Variants in PPP1R1C observed in about 807,000 individuals in gnomAD.
The protein encoded by PPP1R1C is protein phosphatase 1 regulatory subunit 1C.
A neutral mutation model predicts 17.4 loss-of-function variants in PPP1R1C; 15 were observed. The observed-to-expected ratio is 0.86, with a 90% CI of 0.58 to 1.33. The LOEUF is 1.33. PPP1R1C is among the 40% of genes most tolerant of loss of function. The pLI, the probability that PPP1R1C is intolerant of heterozygous loss-of-function variation, is 0.00. For missense variants in PPP1R1C, 143 were observed against 130.0 expected, an observed-to-expected ratio of 1.10 and a Z score of -0.48; for synonymous variants, 35 against 43.1, an observed-to-expected ratio of 0.81 and a Z score of 0.73.
intron 2 of PPP1R1C, among the ~76,000 whole-genome samples, chr2:181,980,252 A>G: frequency 6.6e-6 from 1 of 152,214 alleles, no homozygotes; most frequent in East Asian, 1.9e-4. Flanking sequence ...ACTTCATTTA[A>G]TAATCATCTC....
intron 1 of PPP1R1C, among the ~76,000 whole-genome samples, chr2:181,972,106 C>T (rs79440367): frequency 0.042 from 6,394 of 152,240 alleles, 259 homozygotes; most frequent in Admixed American, 0.15. Flanking sequence ...GGTGTTTCTG[C>T]CAAGGGGACA....
chr2:182,057,439 C>T (rs979071923), intron 2 of PPP1R1C, among the ~76,000 whole-genome samples: 2 of 151,952 alleles, frequency 1.3e-5, no homozygotes, highest in Non-Finnish European at 2.9e-5. Flanking sequence ...GGTATGAGGG[C>T]AGGAGTTTTC....
chr2:182,006,299 A>T (rs911184999), intron 2 of PPP1R1C, among the ~76,000 whole-genome samples: 6 of 152,174 alleles, frequency 3.9e-5, no homozygotes, highest in Non-Finnish European at 8.8e-5. Flanking sequence ...ATACACTTTG[A>T]TCTTCACTAG....
chr2:181,977,734 T>A (rs1047996108), intron 2 of PPP1R1C, among the ~76,000 whole-genome samples: 1 of 152,110 alleles, frequency 6.6e-6, no homozygotes, highest in Non-Finnish European at 1.5e-5. Context: ...AGAATCCAGG[T>A]AAGGCAAAGT....
intron 2 of PPP1R1C, among the ~76,000 whole-genome samples, chr2:182,046,740 G>GAA (rs1213076126): frequency 1.1e-5 from 1 of 89,786 alleles, no homozygotes; most frequent in Non-Finnish European, 2.4e-5. Flanking sequence ...TCTGTCTCAA[G>GAA]AAAAAAAAAA....
At chr2:182,039,113 C>T (rs1479358198) in intron 2 of PPP1R1C, among the ~76,000 whole-genome samples, 1 of 152,126 alleles carries the variant, frequency 6.6e-6, no homozygotes, top group Non-Finnish European at 1.5e-5. Flanking sequence ...AATATTGCAA[C>T]ATTTACTTTT....
chr2:182,063,201 T>C (rs1687895565), intron 3 of PPP1R1C, among the ~76,000 whole-genome samples: 1 of 151,946 alleles, frequency 6.6e-6, no homozygotes, highest in South Asian at 2.1e-4. Context: ...TTTTAACATA[T>C]GAAGAATGTT....
intron 2 of PPP1R1C, among the ~76,000 whole-genome samples, chr2:182,004,999 C>A (rs1042079121): frequency 2.6e-5 from 4 of 152,108 alleles, no homozygotes; most frequent in African/African-American, 9.7e-5. Context: ...AAATAGCCCT[C>A]ATTCTAATCT....
In PPP1R1C at chr2:181,962,011, A is replaced by T. The variant is rs116049914; in HGVS notation, n.111+7377A>T. 381 of 731,042 alleles carry T rather than the reference A, an allele frequency of 5.2e-4. No homozygotes were observed. In the African/African-American group the frequency reaches 6.0e-3, roughly 12 times the overall value. 45.3% of individuals were successfully genotyped at this position (731,042 alleles called of 1,614,324 possible). On this transcript the variant is annotated intron_variant and non_coding_transcript_variant, in intron 1 of 5. Transcript: ENST00000464264. This position sits in a 1 kb window ranked among gnomAD's most constrained non-coding sequence, Gnocchi z 6.0. ...TAAAGTCATCGGCTGCAAGACAGGC[A>T]TTGTCAATCTGCAAAACGATGCCGG... is the stretch of plus-strand genomic sequence containing the variant.
At chr2:182,121,395 G>A (rs530380212), downstream of PPP1R1C, among the ~76,000 whole-genome samples, 419 of 152,170 alleles carry the variant, frequency 2.8e-3, no homozygotes, top group African/African-American at 9.8e-3. Context: ...AAGGACCTCA[G>A]AGGCCTTCTA....
chr2:182,092,851 G>A lies in PPP1R1C; in HGVS notation c.242-24356G>A, dbSNP rs182385248. 3.9e-5 allele frequency among the ~76,000 whole-genome samples: 6 copies of A among 152,282 alleles called. No homozygotes were observed. In the East Asian group the frequency reaches 7.7e-4, roughly 20 times the overall value. On this transcript the variant is annotated intron_variant, in intron 4 of 4. Transcript: ENST00000682840. ...TATCCCTGTGGCTTTGCAGGGTACA[G>A]CCTCCCTTCTGGCCGCTTTCACAGG...
intron 4 of PPP1R1C, among the ~76,000 whole-genome samples, chr2:182,071,445 A>G (rs763137206): frequency 3.3e-5 from 5 of 152,258 alleles, no homozygotes; most frequent in Non-Finnish European, 5.9e-5. Context: ...AGGGGCACAT[A>G]CTACCAATAT....
intron 2 of PPP1R1C, among the ~76,000 whole-genome samples, chr2:182,006,294 C>A (rs1287254703): frequency 6.6e-6 from 1 of 152,152 alleles, no homozygotes; most frequent in Non-Finnish European, 1.5e-5. Flanking sequence ...AAGACATACA[C>A]TTTGATCTTC....
intron 5 of PPP1R1C, among the ~76,000 whole-genome samples, chr2:182,124,096 A>G (rs1200380699): frequency 1.3e-5 from 2 of 152,146 alleles, no homozygotes; most frequent in Non-Finnish European, 2.9e-5. Flanking sequence ...CCCCAACACC[A>G]TTTATTAAAT....
At chr2:182,035,950 T>G (rs951783666) in intron 2 of PPP1R1C, among the ~76,000 whole-genome samples, 3 of 152,124 alleles carry the variant, frequency 2.0e-5, no homozygotes, top group African/African-American at 7.2e-5. Context: ...TAAAGACTCA[T>G]GCTATGTATG....
intron 4 of PPP1R1C, among the ~76,000 whole-genome samples, chr2:182,074,218 CT>C (rs1688226768): frequency 1.3e-5 from 2 of 151,648 alleles, no homozygotes; most frequent in Admixed American, 6.6e-5. Context: ...ATTTTTTGTA[CT>C]TTTAGTAGAG....
chr2:182,019,065 G>A (rs971301349), intron 2 of PPP1R1C, among the ~76,000 whole-genome samples: 51 of 152,090 alleles, frequency 3.4e-4, no homozygotes, highest in African/African-American at 1.2e-3. Context: ...ACATTACTGA[G>A]ATGTTATTAT....
Position 182,063,710 on chromosome 2 carries a change from CT to C in PPP1R1C, c.181-15del. On this transcript the variant is annotated intron_variant, in intron 3 of 4. Transcript: ENST00000682840. ...TTTGTATCCAAATCTAAGGCTTTTA[CT>C]TTTTTCTCTTTCTCCACAGTTACAG... 2 of 1,606,608 alleles carry C rather than the reference CT, an allele frequency of 1.2e-6. No individual in the cohort carries two copies. Among genetic ancestry groups the C allele is most frequent in the Non-Finnish European group, 8.5e-7 (1 of 1,173,542 alleles).
chr2:182,020,565 AACC>A (rs1686390280), intron 2 of PPP1R1C, among the ~76,000 whole-genome samples: 1 of 152,150 alleles, frequency 6.6e-6, no homozygotes, highest in Non-Finnish European at 1.5e-5. Context: ...CCTCAGAAGA[AACC>A]ACAACTCTTC....
Sources: gnomAD v4.1 joint callset for allele counts (sites outside exome capture counted in the v4.1 genomes callset) on GRCh38, gnomAD v4.1.1 for gene constraint, Gnocchi (gnomAD v3.1) non-coding constraint, MANE v1.5 for transcripts, NCBI Gene and HGNC (gene_info 2026-07-23, HGNC 2026-07-21) for gene names.